NRXN3: variants seen among roughly 807,000 people sequenced by gnomAD.
NRXN3 encodes neurexin III.
NRXN3 carries 32 observed loss-of-function variants against 137.6 expected under a neutral mutation model. The ratio of observed to expected loss-of-function variants is 0.23; its 90% CI spans 0.18 to 0.31. The LOEUF (loss-of-function observed/expected upper bound fraction) is 0.31. Ranked by LOEUF, NRXN3 falls within the 10% of genes least tolerant of loss-of-function variation. The probability of loss-of-function intolerance (pLI) is 1.00; values close to 1 mark genes in which losing one functional copy is unlikely to be tolerated. For missense variants in NRXN3, 1,574 were observed against 2,062.5 expected, an observed-to-expected ratio of 0.76 and a Z score of 4.59; for synonymous variants, 798 against 784.5, an observed-to-expected ratio of 1.02 and a Z score of -0.29.
intron 15 of NRXN3, among the ~76,000 whole-genome samples, chr14:79,268,690 C>T (rs779724572): frequency 1.3e-5 from 2 of 152,228 alleles, no homozygotes; most frequent in South Asian, 2.1e-4. Flanking sequence ...CCATTTAGAC[C>T]GTAGACACAG....
intron 4 of NRXN3, among the ~76,000 whole-genome samples, chr14:78,415,889 C>T (rs976305200): frequency 6.6e-6 from 1 of 151,932 alleles, no homozygotes; most frequent in Non-Finnish European, 1.5e-5. Flanking sequence ...CCCAACTATG[C>T]CGGCACACTG....
intron 15 of NRXN3, among the ~76,000 whole-genome samples, chr14:79,092,819 T>C (rs1477957229): frequency 6.6e-6 from 1 of 152,132 alleles, no homozygotes; most frequent in African/African-American, 2.4e-5. Flanking sequence ...GAGAGACCCT[T>C]GGGTCTCCTT....
intron 4 of NRXN3, among the ~76,000 whole-genome samples, chr14:78,444,342 C>T (rs1003338213): frequency 6.6e-6 from 1 of 152,168 alleles, no homozygotes; most frequent in Non-Finnish European, 1.5e-5. Flanking sequence ...CCCCAGGGTG[C>T]CCAGCTCCTG....
chr14:79,593,396 C>T (rs1357353056), intron 16 of NRXN3, among the ~76,000 whole-genome samples: 2 of 151,802 alleles, frequency 1.3e-5, no homozygotes, highest in African/African-American at 2.4e-5. Flanking sequence ...TTTGGGAGGC[C>T]GAGGCGTGCG....
chr14:78,177,659 G>C (rs1003685725), intron 1 of NRXN3: 1 of 151,932 alleles, frequency 6.6e-6, no homozygotes, highest in African/African-American at 2.4e-5. Context: ...AATAGAGAGA[G>C]GAAGGGGGCA....
chr14:78,181,113 G>A (rs1041581825), intron 1 of NRXN3, among the ~76,000 whole-genome samples: 2 of 152,230 alleles, frequency 1.3e-5, no homozygotes, highest in Non-Finnish European at 2.9e-5. Flanking sequence ...GGTAAGTGTG[G>A]AGGTAATTGG....
intron 16 of NRXN3, among the ~76,000 whole-genome samples, chr14:79,596,563 G>A (rs2097860375): frequency 6.8e-6 from 1 of 146,870 alleles, no homozygotes; most frequent in Non-Finnish European, 1.5e-5. Context: ...GGGGCTTCTG[G>A]CCAATTTTTG....
At chr14:79,659,031 A>G (rs2098520106) in intron 16 of NRXN3, among the ~76,000 whole-genome samples, 1 of 152,160 alleles carries the variant, frequency 6.6e-6, no homozygotes, top group African/African-American at 2.4e-5. Flanking sequence ...TGGTGTCGGT[A>G]GCATCTCTTA....
At chr14:78,403,007 C>T (rs919124668) in intron 4 of NRXN3, among the ~76,000 whole-genome samples, 4 of 152,056 alleles carry the variant, frequency 2.6e-5, no homozygotes, top group Non-Finnish European at 4.4e-5. Flanking sequence ...GTATTCTGCC[C>T]CCGGATTTCT....
At chr14:79,690,609 A>C (rs1236150620) in intron 17 of NRXN3, among the ~76,000 whole-genome samples, 1 of 152,144 alleles carries the variant, frequency 6.6e-6, no homozygotes, top group African/African-American at 2.4e-5. Flanking sequence ...TCTTATTTTA[A>C]AAATTCCTGG....
chr14:79,211,964 T>C (rs2067733118), intron 15 of NRXN3, among the ~76,000 whole-genome samples: 2 of 152,180 alleles, frequency 1.3e-5, no homozygotes, highest in African/African-American at 4.8e-5. Flanking sequence ...AAGAGACCTA[T>C]TTTTGTTTTG....
intron 15 of NRXN3, among the ~76,000 whole-genome samples, chr14:79,020,124 TTTCCCTTCCCTTCCCTTCCCTTCCC>T (rs779515295): frequency 9.0e-6 from 1 of 110,980 alleles, no homozygotes; most frequent in Non-Finnish European, 1.9e-5. Flanking sequence ...TTTCTTTTCC[TTTCCCTTCCCTTCCCTTCCCTTCCC>T]TTCCCTTCCC....
rs186392692 is a variant in NRXN3 at position 79,864,983 on chromosome 14, C to G, written c.*3019C>G. On this transcript the variant is annotated 3_prime_UTR_variant, in exon 21 of 21. Transcript: ENST00000335750. ...AGCCGGGATGGTCTCGATCTCCTGA[C>G]CTCGTAATCCACCCGCCTCGGCCTC... is the stretch of plus-strand genomic sequence containing the variant. 35 of 152,216 alleles carry G rather than the reference C, an allele frequency of 2.3e-4. No individual in the cohort carries two copies. Among genetic ancestry groups the G allele is most frequent in the African/African-American group, 8.4e-4 (35 of 41,536 alleles). 9.4% of individuals were successfully genotyped at this position (152,216 alleles called of 1,614,324 possible). A position where few individuals can be genotyped will look rare whatever the true frequency, so the allele number is the denominator to read the frequency against.
chr14:78,768,385 T>C (rs527379295), intron 8 of NRXN3, among the ~76,000 whole-genome samples: 1 of 152,176 alleles, frequency 6.6e-6, no homozygotes, highest in South Asian at 2.1e-4. Context: ...CATGAGAGAG[T>C]TCTTATAAGA....
chr14:79,524,211 A>G lies in NRXN3; in HGVS notation c.3444+56809A>G, dbSNP rs995060636. Among the ~76,000 whole-genome samples, 11 of 152,330 alleles carry G rather than the reference A, an allele frequency of 7.2e-5. No homozygotes were observed. The East Asian group carries it at 9.7e-4, about 13-fold the overall frequency. On this transcript the variant is annotated intron_variant, in intron 16 of 20. Transcript: ENST00000335750. ...GCAGTGGACTTGCTTTGTGTTTGCA[A>G]TGGAAGAAGGAACTAGAGGGGGGAT...
intron 4 of NRXN3, among the ~76,000 whole-genome samples, chr14:78,570,679 T>C (rs573069543): frequency 6.6e-6 from 1 of 152,272 alleles, no homozygotes; most frequent in African/African-American, 2.4e-5. Context: ...CTATGTTGAG[T>C]GTGAGGGAAC....
At chr14:78,340,890 C>T (rs1333176287) in intron 4 of NRXN3, among the ~76,000 whole-genome samples, 1 of 152,114 alleles carries the variant, frequency 6.6e-6, no homozygotes, top group Non-Finnish European at 1.5e-5. Flanking sequence ...GAAGTAAGTA[C>T]TTTTATACCT....
chr14:79,354,280 A>G (rs2093340257), intron 15 of NRXN3, among the ~76,000 whole-genome samples: 1 of 152,218 alleles, frequency 6.6e-6, no homozygotes, highest in South Asian at 2.1e-4. Context: ...ATACACTAGT[A>G]AACACTGCGT....
intron 15 of NRXN3, among the ~76,000 whole-genome samples, chr14:79,245,705 GC>G (rs1168247800): frequency 6.6e-6 from 1 of 152,078 alleles, no homozygotes; most frequent in Non-Finnish European, 1.5e-5. Context: ...CATTTTTGTT[GC>G]AAGCACTCCT....
Sources: allele counts gnomAD v4.1 joint callset (sites outside exome capture counted in the v4.1 genomes callset), GRCh38; gene constraint gnomAD v4.1.1; transcripts MANE v1.5; gene names NCBI Gene and HGNC (gene_info 2026-07-23, HGNC 2026-07-21).